Variants in WDSUB1 observed in about 807,000 individuals in gnomAD.
WDSUB1 encodes the protein WD repeat, sterile alpha motif and U-box domain containing 1.
WDSUB1 carries 49 observed loss-of-function variants against 53.9 expected under a neutral mutation model. The observed-to-expected ratio is 0.91, with a 90% confidence interval of 0.72 to 1.15. WDSUB1 has a LOEUF of 1.15. Ranked by LOEUF, WDSUB1 falls within the 50% of genes most tolerant of loss-of-function variation. The pLI is 0.00. For synonymous variants in WDSUB1, 194 were observed against 200.6 expected, an observed-to-expected ratio of 0.97 and a Z score of 0.28; for missense variants, 514 against 562.0, an observed-to-expected ratio of 0.91 and a Z score of 0.86.
chr2:159,239,090 C>T (rs1185427912), intron 10 of WDSUB1, among the ~76,000 whole-genome samples: 2 of 152,188 alleles, frequency 1.3e-5, no homozygotes, highest in Non-Finnish European at 2.9e-5. Flanking sequence ...CAGCCTCGAC[C>T]TCCCAGGCTC....
chr2:159,252,254 G>T (rs1449948322), intron 9 of WDSUB1, among the ~76,000 whole-genome samples: 2 of 152,112 alleles, frequency 1.3e-5, no homozygotes, highest in African/African-American at 4.8e-5. Context: ...TTTTAAGAGG[G>T]TATGAAGAAC....
At position 159,236,058 on chromosome 2, in the gene WDSUB1, C is replaced by G; in HGVS notation, c.1406G>C (p.Arg469Thr). 6.2e-7 allele frequency: 1 copy of G among 1,607,796 alleles called. No homozygotes were observed. The highest frequency in any genetic ancestry group is 8.5e-7 in the Non-Finnish European group (1 of 1,178,376). The change falls in exon 11 of 11, where the codon AGA becomes ACA. Residue 469 changes from arginine to threonine, a missense_variant. Arg to Thr is a moderately conservative substitution (Grantham distance 71). Coordinates refer to ENST00000359774, the MANE Select transcript of WDSUB1 (RefSeq NM_001128212.3). Reference protein sequence around the residue: ...PNRTLKMAINRWLETHQK With the variant: ...PNRTLKMAINTWLETHQK ...TTACTTTTGGTGTGTCTCCAGCCAT[C>G]TATTGATGGCCATTTTCAGAGTCCT...
At chr2:159,253,486 G>T (rs921417433) in intron 9 of WDSUB1, among the ~76,000 whole-genome samples, 3 of 152,154 alleles carry the variant, frequency 2.0e-5, no homozygotes, top group African/African-American at 7.2e-5. Flanking sequence ...ATTGAAAAAA[G>T]ATTTGATAAA....
rs148340738 is a variant in WDSUB1 at position 159,275,716 on chromosome 2, G to C, written c.584-78C>G. 5.4e-6 allele frequency: 6 copies of C among 1,111,400 alleles called. No individual in the cohort carries two copies. In the East Asian group the frequency reaches 1.5e-4, roughly 28 times the overall value. 68.8% of individuals were successfully genotyped at this position (1,111,400 alleles called of 1,614,324 possible). On this transcript the variant is annotated intron_variant, in intron 3 of 10. Coordinates refer to ENST00000359774, the MANE Select transcript of WDSUB1 (RefSeq NM_001128212.3). ...CCAAAATTCCCATTTCTTATACTAA[G>C]ATCTATTAATTCTACTCATTTAAAC... is the stretch of plus-strand genomic sequence containing the variant.
chr2:159,248,929 C>G (rs1183329801), intron 9 of WDSUB1, among the ~76,000 whole-genome samples: 1 of 152,144 alleles, frequency 6.6e-6, no homozygotes, highest in African/African-American at 2.4e-5. Flanking sequence ...TTATCTACTA[C>G]CACCAGAAAT....
At chr2:159,265,925 T>C (rs2061337420) in intron 5 of WDSUB1, among the ~76,000 whole-genome samples, 1 of 152,170 alleles carries the variant, frequency 6.6e-6, no homozygotes, top group Non-Finnish European at 1.5e-5. Context: ...TGAGGGCTGG[T>C]GGAATATGTG....
At chr2:159,257,647 C>G (rs1292423810) in intron 8 of WDSUB1, 111 bp downstream of exon 8, 2 of 907,316 alleles carry the variant, frequency 2.2e-6, no homozygotes, top group Non-Finnish European at 3.4e-6. Context: ...CTTGGCCTCC[C>G]AAAGTGCTGG....
Position 159,279,771 on chromosome 2 carries a change from C to A in WDSUB1, c.573G>T (p.Gln191His). The change falls in exon 3 of 11, where the codon CAG becomes CAT. Residue 191 changes from glutamine to histidine, a missense_variant. By Grantham distance (24) the Gln-to-His change is conservative. Transcript: ENST00000359774. The stretch of plus-strand genomic sequence containing the variant: ...AATAAAATAACCAACCAGAAACTGG[C>A]TGTGAAGAAAAATCGCAGCAGGTAA... ...LGITCCDFSS[Q>H]PVSDGEQGLQ... 6.2e-7 allele frequency: 1 copy of A among 1,602,640 alleles called. No homozygotes were observed. Among genetic ancestry groups the A allele is most frequent in the South Asian group, 1.1e-5 (1 of 89,024 alleles).
chr2:159,273,718 C>T (rs189111765), intron 4 of WDSUB1, among the ~76,000 whole-genome samples: 1 of 152,254 alleles, frequency 6.6e-6, no homozygotes, highest in Admixed American at 6.5e-5. Flanking sequence ...CCACGCCCAG[C>T]CTTATGAAAA....
At chr2:159,266,727 T>C (rs1014415389) in intron 5 of WDSUB1, among the ~76,000 whole-genome samples, 4 of 152,192 alleles carry the variant, frequency 2.6e-5, no homozygotes, top group Non-Finnish European at 5.9e-5. Context: ...ATTTAATATA[T>C]AAGGTTTGAA....
intron 10 of WDSUB1, among the ~76,000 whole-genome samples, chr2:159,247,896 T>TATATATATATAA (rs2060841327): frequency 1.3e-4 from 7 of 53,990 alleles, no homozygotes; most frequent in African/African-American, 6.7e-4. Context: ...AATATATATA[T>TATATATATATAA]ATATATATAT....
At chr2:159,265,317 A>G (rs1246812847) in intron 5 of WDSUB1, among the ~76,000 whole-genome samples, 1 of 145,022 alleles carries the variant, frequency 6.9e-6, no homozygotes, top group African/African-American at 2.7e-5. Flanking sequence ...ACACACACAC[A>G]CTCACTCTCT....
intron 10 of WDSUB1, among the ~76,000 whole-genome samples, chr2:159,240,663 T>C (rs1241123877): frequency 1.3e-5 from 2 of 152,192 alleles, no homozygotes; most frequent in Non-Finnish European, 2.9e-5. Context: ...TGATGTAAGA[T>C]ATTGTTAGCA....
intron 10 of WDSUB1, among the ~76,000 whole-genome samples, chr2:159,246,364 G>A (rs931310533): frequency 1.1e-4 from 17 of 150,792 alleles, no homozygotes; most frequent in South Asian, 4.2e-4. Flanking sequence ...CCCGAGAGGC[G>A]GAGCTTGCAG....
At chr2:159,262,344 G>C (rs112971628) in intron 5 of WDSUB1, among the ~76,000 whole-genome samples, 113 of 152,068 alleles carry the variant, frequency 7.4e-4, no homozygotes, top group African/African-American at 2.6e-3. Flanking sequence ...ACACAGCCCC[G>C]AACAAAAATA....
At chr2:159,255,996 G>T (rs1486887309) in intron 9 of WDSUB1, among the ~76,000 whole-genome samples, 200 bp downstream of exon 9, 2 of 152,160 alleles carry the variant, frequency 1.3e-5, no homozygotes, top group African/African-American at 4.8e-5. Context: ...GCACATGAAA[G>T]ATGCATGTCA....
rs145917640 is a variant in WDSUB1, at chr2:159,242,742, C to T, written c.1273+5630G>A. 2.6e-3 allele frequency among the ~76,000 whole-genome samples: 381 copies of T among 148,016 alleles called. 56 individuals carry two copies. The highest frequency in any genetic ancestry group is 9.6e-3 in the African/African-American group (367 of 38,184). ...AATAACTAGAAGGATACACCTAAAC[C>T]GTATCATTGCTACATGAGAATACAG... On this transcript the variant is annotated intron_variant, in intron 10 of 10. Transcript: ENST00000359774.
intron 10 of WDSUB1, among the ~76,000 whole-genome samples, chr2:159,242,197 C>CA (rs2151045963): frequency 1.4e-5 from 2 of 146,890 alleles, no homozygotes; most frequent in South Asian, 4.3e-4. Flanking sequence ...ACTACAGGCA[C>CA]ACGCCACCAC....
intron 9 of WDSUB1, among the ~76,000 whole-genome samples, chr2:159,255,024 G>A (rs1575452364): frequency 6.6e-6 from 1 of 152,186 alleles, no homozygotes; most frequent in East Asian, 1.9e-4. Flanking sequence ...CAATTACTTG[G>A]GAGGCTGAGA....
Sources: allele counts gnomAD v4.1 joint callset (sites outside exome capture counted in the v4.1 genomes callset), GRCh38; gene constraint gnomAD v4.1.1; transcripts MANE v1.5; gene names NCBI Gene and HGNC (gene_info 2026-07-23, HGNC 2026-07-21).